Variants in ARHGAP18 observed in about 807,000 individuals in gnomAD.
ARHGAP18 encodes Rho GTPase activating protein 18.
In ARHGAP18, 67 loss-of-function variants were observed where a neutral mutation model predicts 86.2. The observed-to-expected ratio is 0.78, with a 90% CI of 0.64 to 0.95. The LOEUF (loss-of-function observed/expected upper bound fraction) is 0.95. Among genes scored for constraint, ARHGAP18 ranks in the 40% least tolerant of loss-of-function variants. The pLI, the probability that ARHGAP18 is intolerant of heterozygous loss-of-function variation, is 0.00. For missense variants in ARHGAP18, 691 were observed against 780.4 expected, an observed-to-expected ratio of 0.89 and a Z score of 1.37; for synonymous variants, 283 against 280.4, an observed-to-expected ratio of 1.01 and a Z score of -0.09.
intron 1 of ARHGAP18, among the ~76,000 whole-genome samples, chr6:129,670,394 C>T (rs912943384): frequency 6.6e-5 from 10 of 152,066 alleles, no homozygotes; most frequent in Admixed American, 3.9e-4. Flanking sequence ...GCAAAGTTAA[C>T]GAAGTGGAAG....
In ARHGAP18 at chr6:129,625,186, TATATATGATATATATTTATATGTA is replaced by T. The variant is rs1562696574; in HGVS notation, c.786+4143_786+4166del. Among the ~76,000 whole-genome samples, 7 of 44,628 alleles carry T rather than the reference TATATATGATATATATTTATATGTA, an allele frequency of 1.6e-4. 2 individuals carry two copies. The highest frequency in any genetic ancestry group is 7.6e-4 in the African/African-American group (7 of 9,220). 29.3% of individuals were successfully genotyped at this position (44,628 alleles called of 152,430 possible). A position where few individuals can be genotyped will look rare whatever the true frequency, so the allele number is the denominator to read the frequency against. The stretch of plus-strand genomic sequence containing the variant: ...ATATTATATATGATATATTATATAT[TATATATGATATATATTTATATGTA>T]ATATATATGATATATGATATATGAT... On this transcript the variant is annotated intron_variant, in intron 5 of 14. Transcript: ENST00000368149.
At chr6:129,638,816 T>C (rs1158864666) in intron 2 of ARHGAP18, among the ~76,000 whole-genome samples, 187 bp from the exon 3 acceptor site, 1 of 152,224 alleles carries the variant, frequency 6.6e-6, no homozygotes, top group Non-Finnish European at 1.5e-5. Flanking sequence ...TAGATTGATT[T>C]CATATATACT....
At chr6:129,663,748 A>C (rs74970374) in intron 1 of ARHGAP18, among the ~76,000 whole-genome samples, 4,955 of 152,290 alleles carry the variant, frequency 0.033, 255 homozygotes, top group African/African-American at 0.11. Context: ...AGTCCAACCC[A>C]CTAATCTTTT....
intron 1 of ARHGAP18, among the ~76,000 whole-genome samples, chr6:129,655,338 AAAAGAAAAG>A (rs1773810028): frequency 1.8e-5 from 2 of 109,038 alleles, no homozygotes; most frequent in Admixed American, 1.8e-4. Context: ...AAAAAAAAAA[AAAAGAAAAG>A]AAAAGAAAAG....
chr6:129,582,575 T>C (rs924723268), intron 13 of ARHGAP18, among the ~76,000 whole-genome samples: 5 of 152,148 alleles, frequency 3.3e-5, no homozygotes, highest in African/African-American at 1.2e-4. Context: ...GGATTGACTT[T>C]GCAGAAACTG....
At chr6:129,587,623 G>A (rs962103481) in intron 12 of ARHGAP18, among the ~76,000 whole-genome samples, 1 of 152,074 alleles carries the variant, frequency 6.6e-6, no homozygotes, top group African/African-American at 2.4e-5. Context: ...CAAGCAAAGG[G>A]GGAAAAGCCC....
intron 1 of ARHGAP18, among the ~76,000 whole-genome samples, chr6:129,653,305 G>A (rs1486786192): frequency 6.6e-6 from 1 of 152,148 alleles, no homozygotes; most frequent in Non-Finnish European, 1.5e-5. Context: ...AATAGTAATA[G>A]AACAATTAAA....
At chr6:129,614,872 A>G (rs1789062425) in intron 7 of ARHGAP18, among the ~76,000 whole-genome samples, 1 of 151,886 alleles carries the variant, frequency 6.6e-6, no homozygotes, top group Non-Finnish European at 1.5e-5. Context: ...TTGGTTTCCC[A>G]AAGAAGCGGC....
intron 1 of ARHGAP18, among the ~76,000 whole-genome samples, chr6:129,673,033 C>T (rs1325573105): frequency 6.6e-6 from 1 of 152,232 alleles, no homozygotes; most frequent in African/African-American, 2.4e-5. Context: ...ACATGGGTCT[C>T]TCCACTTCCT....
Position 129,638,272 on chromosome 6 carries a change from G to T in ARHGAP18, c.552+122C>A, listed in dbSNP as rs17057530. On this transcript the variant is annotated intron_variant, in intron 3 of 14. Transcript: ENST00000368149. Reference sequence around the variant, plus strand: ...CTCTCTTGTTTCCTGCAAGCATAGAGCTTTGGTGCCTGGCATAGAATAGGT... The same window carrying T: ...CTCTCTTGTTTCCTGCAAGCATAGATCTTTGGTGCCTGGCATAGAATAGGT... 6.4e-3 allele frequency: 6,289 copies of T among 975,412 alleles called. 258 individuals carry two copies. The African/African-American group carries it at 0.09, about 14-fold the overall frequency. The allele number at this position is 975,412 out of a possible 1,614,324, so 60.4% of individuals were successfully genotyped here. A position where few individuals can be genotyped will look rare whatever the true frequency, so the allele number is the denominator to read the frequency against.
Position 129,578,406 on chromosome 6 carries a change from G to T in ARHGAP18, c.*107C>A. On this transcript the variant is annotated 3_prime_UTR_variant, in exon 15 of 15. Transcript: ENST00000368149. Reference sequence around the variant, plus strand: ...TTAAGAGAGTCATTTTTAAATACTTGGGTACAACTGAATAATATGAGTCCT... The same window carrying T: ...TTAAGAGAGTCATTTTTAAATACTTTGGTACAACTGAATAATATGAGTCCT... 2.7e-6 allele frequency: 2 copies of T among 741,620 alleles called. No individual in the cohort carries two copies. The highest frequency in any genetic ancestry group is 4.2e-6 in the Non-Finnish European group (2 of 470,728). The allele number at this position is 741,620 out of a possible 1,614,324, so 45.9% of individuals were successfully genotyped here.
At chr6:129,590,042 C>T (rs1788479426) in intron 12 of ARHGAP18, among the ~76,000 whole-genome samples, 1 of 152,178 alleles carries the variant, frequency 6.6e-6, no homozygotes, top group Non-Finnish European at 1.5e-5. Context: ...TCTGTTCTTT[C>T]CACTTTCTTC....
intron 1 of ARHGAP18, among the ~76,000 whole-genome samples, chr6:129,673,813 T>C (rs1562720041): frequency 6.6e-6 from 1 of 152,216 alleles, no homozygotes; most frequent in Non-Finnish European, 1.5e-5. Context: ...GGTTATTTTA[T>C]AATATATTTT....
At chr6:129,655,326 AAAAAAAAAAAAAAAAG>A (rs1188277298) in intron 1 of ARHGAP18, among the ~76,000 whole-genome samples, 19 of 114,246 alleles carry the variant, frequency 1.7e-4, no homozygotes, top group South Asian at 2.8e-4. Flanking sequence ...TCAAAAAAAA[AAAAAAAAAAAAAAAAG>A]AAAAGAAAAG....
At chr6:129,675,612 C>A (rs973495316) in intron 1 of ARHGAP18, among the ~76,000 whole-genome samples, 4 of 152,166 alleles carry the variant, frequency 2.6e-5, no homozygotes, top group African/African-American at 9.7e-5. Flanking sequence ...ACATCTCTTG[C>A]AGCACAGCCA....
chr6:129,604,780 T>C (rs1378873000), intron 10 of ARHGAP18, among the ~76,000 whole-genome samples: 1 of 152,222 alleles, frequency 6.6e-6, no homozygotes, highest in Admixed American at 6.5e-5. Flanking sequence ...AGGCTTTTTT[T>C]CTGATTTAGG....
At chr6:129,706,028 C>T (rs1421668534) in intron 1 of ARHGAP18, among the ~76,000 whole-genome samples, 2 of 152,098 alleles carry the variant, frequency 1.3e-5, no homozygotes, top group African/African-American at 2.4e-5. Flanking sequence ...TACATTTATT[C>T]AGAGAAGGCA....
At chr6:129,585,301 A>AT (rs1562676823) in intron 12 of ARHGAP18, among the ~76,000 whole-genome samples, 1 of 152,050 alleles carries the variant, frequency 6.6e-6, no homozygotes, top group Non-Finnish European at 1.5e-5. Flanking sequence ...ATAAATAAAT[A>AT]AAAATAAAAT....
intron 1 of ARHGAP18, among the ~76,000 whole-genome samples, chr6:129,704,140 A>C (rs1260962014): frequency 6.6e-6 from 1 of 152,116 alleles, no homozygotes; most frequent in Admixed American, 6.5e-5. Flanking sequence ...TCTCAAAAAG[A>C]TATTTCTCAA....
Sources: gnomAD v4.1 joint callset for allele counts (sites outside exome capture counted in the v4.1 genomes callset) on GRCh38, gnomAD v4.1.1 for gene constraint, MANE v1.5 for transcripts, NCBI Gene and HGNC (gene_info 2026-07-23, HGNC 2026-07-21) for gene names.